Variants in GAS2 observed in about 807,000 individuals in gnomAD.
GAS2 encodes the protein growth arrest specific 2, also known as growth arrest-specific protein 2.
Under a neutral mutation model 37.5 loss-of-function variants are expected in GAS2, and 20 were observed. That is an observed-to-expected ratio of 0.53 (90% confidence interval 0.37 to 0.77). The LOEUF is 0.77. GAS2 is among the 30% of genes least tolerant of loss of function. The pLI, the probability that GAS2 is intolerant of heterozygous loss-of-function variation, is 0.00. For synonymous variants in GAS2, 144 were observed against 132.2 expected (o/e 1.09, Z -0.61); for missense variants, 336 against 373.4 (o/e 0.90, Z 0.82).
At chr11:22,639,431 T>C (rs1051815903) in intron 1 of GAS2, among the ~76,000 whole-genome samples, 1 of 152,168 alleles carries the variant, frequency 6.6e-6, no homozygotes, top group Admixed American at 6.5e-5. Context: ...CAAATAAATA[T>C]CCTTTCTTTC....
At chr11:22,778,644 C>G (rs2134470039) in intron 7 of GAS2, among the ~76,000 whole-genome samples, 1 of 152,280 alleles carries the variant, frequency 6.6e-6, no homozygotes, top group East Asian at 1.9e-4. Context: ...AGCAGTATAG[C>G]AGATTTTTTA....
chr11:22,639,597 C>T (rs1259693709), intron 1 of GAS2, among the ~76,000 whole-genome samples: 1 of 152,090 alleles, frequency 6.6e-6, no homozygotes, highest in Admixed American at 6.5e-5. Flanking sequence ...GGATAGAAGA[C>T]TTTATGCATG....
chr11:22,676,494 C>G (rs1267310167), intron 2 of GAS2, among the ~76,000 whole-genome samples: 4 of 152,164 alleles, frequency 2.6e-5, no homozygotes, highest in Admixed American at 6.5e-5. Context: ...CTGCCACTTG[C>G]TAGCAGTATG....
At chr11:22,714,251 A>G (rs1415567541) in intron 3 of GAS2, among the ~76,000 whole-genome samples, 1 of 152,216 alleles carries the variant, frequency 6.6e-6, no homozygotes, top group Non-Finnish European at 1.5e-5. Context: ...AACAGACTTT[A>G]AAGGAAAAAC....
Position 22,641,200 on chromosome 11 carries a change from TTA to T in GAS2, c.-21+15405_-21+15406del, listed in dbSNP as rs370488494. Among the ~76,000 whole-genome samples, 195 of 135,314 alleles carry T rather than the reference TTA, an allele frequency of 1.4e-3. 1 individual carries two copies. The highest frequency in any genetic ancestry group is 4.7e-3 in the African/African-American group (174 of 36,858). The allele number at this position is 135,314 out of a possible 152,430, so 88.8% of individuals were successfully genotyped here. A position where few individuals can be genotyped will look rare whatever the true frequency, so the allele number is the denominator to read the frequency against. On this transcript the variant is annotated intron_variant, in intron 1 of 5. Transcript: ENST00000528582. ...AGGTTCCAGGATTCTGGTTCTTTCTTTATATATATATATATATATGTGTGTGT... is the reference window on the plus strand; with the variant it reads ...AGGTTCCAGGATTCTGGTTCTTTCTTTATATATATATATATATGTGTGTGT...
At chr11:22,799,391 C>T (rs1787158837) in intron 7 of GAS2, among the ~76,000 whole-genome samples, 1 of 151,988 alleles carries the variant, frequency 6.6e-6, no homozygotes, top group Non-Finnish European at 1.5e-5. Flanking sequence ...ATAATAAGAA[C>T]TTGTGAATGA....
rs929666784 is a variant in GAS2 at position 22,694,850 on chromosome 11, CA to C, written c.267+9067del. Among the ~76,000 whole-genome samples the C allele has an allele frequency of 5.9e-3, 895 of 152,200 alleles. 13 individuals carry two copies. The highest frequency in any genetic ancestry group is 0.02 in the African/African-American group (811 of 41,530). On this transcript the variant is annotated intron_variant, in intron 3 of 7. Coordinates refer to ENST00000454584, the MANE Select transcript of GAS2 (RefSeq NM_001143830.3). ...GCAAAGACAGCAACAAACAAACAAACAAAAAACTTCTGCCATAATATATTTA... is the reference window on the plus strand; with the variant it reads ...GCAAAGACAGCAACAAACAAACAAACAAAAACTTCTGCCATAATATATTTA...
intron 7 of GAS2, among the ~76,000 whole-genome samples, chr11:22,804,304 A>T (rs1031039359): frequency 1.3e-5 from 2 of 152,156 alleles, no homozygotes; most frequent in African/African-American, 4.8e-5. Flanking sequence ...AAGAACAATG[A>T]GATAGGTAGC....
chr11:22,737,293 T>C (rs755414590), intron 4 of GAS2, among the ~76,000 whole-genome samples: 3 of 152,182 alleles, frequency 2.0e-5, no homozygotes, highest in Non-Finnish European at 4.4e-5. Context: ...AGGCCCATGA[T>C]ATTAAAATGG....
intron 7 of GAS2, among the ~76,000 whole-genome samples, chr11:22,789,506 G>A (rs1342782144): frequency 2.6e-5 from 3 of 113,680 alleles, no homozygotes; most frequent in Non-Finnish European, 1.7e-5. Flanking sequence ...CTGTCGCCCA[G>A]GCTGAAGTGC....
At chr11:22,699,080 A>T (rs1487276948) in intron 3 of GAS2, among the ~76,000 whole-genome samples, 1 of 152,312 alleles carries the variant, frequency 6.6e-6, no homozygotes, top group Non-Finnish European at 1.5e-5. Context: ...TAAATAGCAT[A>T]GGCTGCTAGT....
In GAS2 at chr11:22,637,180, CTTATG is replaced by C. The variant is rs573309580; in HGVS notation, c.-21+11371_-21+11375del. On this transcript the variant is annotated intron_variant, in intron 1 of 5. Transcript: ENST00000528582. ...ATGTTAATATTATATTAATATATTA[CTTATG>C]TTAATATTATATTAATATATTACTT... Among the ~76,000 whole-genome samples, 353 of 121,606 alleles carry C rather than the reference CTTATG, an allele frequency of 2.9e-3. 8 individuals carry two copies. In the East Asian group the frequency reaches 0.063, roughly 22 times the overall value. 79.8% of individuals were successfully genotyped at this position (121,606 alleles called of 152,430 possible).
At chr11:22,788,774 C>G (rs971682201) in intron 7 of GAS2, among the ~76,000 whole-genome samples, 14 of 152,072 alleles carry the variant, frequency 9.2e-5, no homozygotes, top group Non-Finnish European at 5.9e-5. Flanking sequence ...AATTCTGCCA[C>G]TTACTAAATT....
intron 7 of GAS2, among the ~76,000 whole-genome samples, chr11:22,790,588 C>CTGTT (rs1486103842): frequency 6.4e-4 from 77 of 120,096 alleles, no homozygotes; most frequent in African/African-American, 2.2e-3. Flanking sequence ...TTCTTCTTCT[C>CTGTT]TATTTTTTTT....
Position 22,734,426 on chromosome 11 carries a change from A to T in GAS2, c.410-3279A>T, listed in dbSNP as rs1852640681. Among the ~76,000 whole-genome samples the T allele has an allele frequency of 2.0e-5, 3 of 151,670 alleles. No individual in the cohort carries two copies. In the South Asian group the frequency reaches 6.2e-4, roughly 31 times the overall value. The stretch of plus-strand genomic sequence containing the variant: ...TATAATATAAAAGATAAACATTTAA[A>T]ATATACTCATTATAATAGAACCAAT... On this transcript the variant is annotated intron_variant, in intron 4 of 7. Transcript: ENST00000454584.
chr11:22,713,392 T>C (rs1851507100), intron 3 of GAS2, among the ~76,000 whole-genome samples: 1 of 151,972 alleles, frequency 6.6e-6, no homozygotes, highest in South Asian at 2.1e-4. Context: ...TAATTGGTGT[T>C]CCCAAGGATG....
At chr11:22,791,872 T>A (rs10833816) in intron 7 of GAS2, among the ~76,000 whole-genome samples, 50,137 of 152,066 alleles carry the variant, frequency 0.33, 8,842 homozygotes, top group Non-Finnish European at 0.39. Flanking sequence ...TGAGCTGAAT[T>A]GAAAACAATT....
intron 1 of GAS2, among the ~76,000 whole-genome samples, chr11:22,633,925 A>C: frequency 6.6e-6 from 1 of 152,190 alleles, no homozygotes; most frequent in East Asian, 1.9e-4. Context: ...AAAGTGTTCC[A>C]GGAAGCCTCT....
chr11:22,740,629 C>CA (rs1320323874), intron 5 of GAS2, among the ~76,000 whole-genome samples: 2 of 152,144 alleles, frequency 1.3e-5, no homozygotes, highest in Non-Finnish European at 2.9e-5. Context: ...GTTGCAAATT[C>CA]AAACGTGTTT....
Sources: allele counts gnomAD v4.1 joint callset (sites outside exome capture counted in the v4.1 genomes callset), GRCh38; gene constraint gnomAD v4.1.1; transcripts MANE v1.5; gene names NCBI Gene and HGNC (gene_info 2026-07-23, HGNC 2026-07-21).